The following SLC26A8 variants were observed in gnomAD, a reference collection of about 807,000 sequenced individuals.
SLC26A8 encodes solute carrier family 26 member 8.
SLC26A8 carries 70 observed loss-of-function variants against 105.0 expected under a neutral mutation model. The observed-to-expected ratio is 0.67, with a 90% CI of 0.55 to 0.81. SLC26A8 has a LOEUF of 0.81. SLC26A8 is among the 40% of genes least tolerant of loss of function. The pLI, the probability that SLC26A8 is intolerant of heterozygous loss-of-function variation, is 0.00. For synonymous variants in SLC26A8, 415 were observed against 438.3 expected (o/e 0.95, Z 0.66); for missense variants, 998 against 1,181.8 (o/e 0.84, Z 2.28).
intron 15 of SLC26A8, 23 bp from the exon 16 acceptor site, chr6:35,959,614 T>TC: frequency 6.2e-7 from 1 of 1,610,226 alleles, no homozygotes. Flanking sequence ...AGAGGTCTCA[T>TC]CCAGAGGAAG....
At chr6:35,991,401 C>CAA (rs10717911) in intron 7 of SLC26A8, among the ~76,000 whole-genome samples, 23 of 100,434 alleles carry the variant, frequency 2.3e-4, no homozygotes, top group South Asian at 3.3e-4. Flanking sequence ...AAGACTCTGT[C>CAA]AAAAAAAAAA....
chr6:35,968,676 C>A (rs1471949098), intron 11 of SLC26A8, among the ~76,000 whole-genome samples: 4 of 128,168 alleles, frequency 3.1e-5, no homozygotes, highest in African/African-American at 1.1e-4. Flanking sequence ...TAACCCTCAA[C>A]CCTGTGATCC....
At chr6:36,006,150 C>T (rs533508475) in intron 3 of SLC26A8, among the ~76,000 whole-genome samples, 38 of 151,978 alleles carry the variant, frequency 2.5e-4, no homozygotes, top group African/African-American at 7.7e-4. Flanking sequence ...AATGGAGTCT[C>T]GCTCTGTTAC....
rs1292283634 is a variant in SLC26A8, at chr6:35,981,649, C to T, written c.1025+472G>A. Among the ~76,000 whole-genome samples the T allele has an allele frequency of 6.6e-6, 1 of 152,056 alleles. No individual in the cohort carries two copies. Among genetic ancestry groups the T allele is most frequent in the Non-Finnish European group, 1.5e-5 (1 of 68,040 alleles). The stretch of plus-strand genomic sequence containing the variant: ...CCTAGGCAACAGAGTGAGAACCTGT[C>T]TCAAAAATAAATAAATAAATATATA... On this transcript the variant is annotated intron_variant, in intron 8 of 19. Transcript: ENST00000490799. The surrounding 1 kb of genome is among the most constrained non-coding windows in gnomAD (Gnocchi z 4.0).
At chr6:36,002,136 T>C (rs1761541413) in intron 3 of SLC26A8, among the ~76,000 whole-genome samples, 1 of 152,056 alleles carries the variant, frequency 6.6e-6, no homozygotes, top group Non-Finnish European at 1.5e-5. Flanking sequence ...TAACAGAAAA[T>C]CTACTCAAAT....
Position 35,996,703 on chromosome 6 carries a change from T to C in SLC26A8, c.627+1035A>G, listed in dbSNP as rs906854110. Among the ~76,000 whole-genome samples the C allele has an allele frequency of 6.6e-5, 10 of 152,092 alleles. No individual in the cohort carries two copies. In the East Asian group the frequency reaches 1.7e-3, roughly 26 times the overall value. ...CTGGGACTACAGGCACATGCTACCA[T>C]GCCCAGCTAAATGAGTCCATTCTTG... is the stretch of plus-strand genomic sequence containing the variant. On this transcript the variant is annotated intron_variant, in intron 5 of 19. Transcript: ENST00000490799.
intron 3 of SLC26A8, among the ~76,000 whole-genome samples, chr6:36,007,180 G>GAA (rs140728): frequency 0.56 from 85,073 of 151,764 alleles, 24,166 homozygotes; most frequent in South Asian, 0.71. Flanking sequence ...ATATTAAAAA[G>GAA]ATAAACATAA....
intron 19 of SLC26A8, among the ~76,000 whole-genome samples, chr6:35,947,121 T>G (rs1771704561): frequency 6.6e-6 from 1 of 152,190 alleles, no homozygotes; most frequent in Admixed American, 6.5e-5. Flanking sequence ...CTCCGCTTCC[T>G]GGGTTAAAGT....
At chr6:35,969,577 A>G (rs140643875) in intron 10 of SLC26A8, 2 of 151,612 alleles carry the variant, frequency 1.3e-5, no homozygotes, top group African/African-American at 4.8e-5. Flanking sequence ...CAGCCTGGCG[A>G]CAGAGTGAGA....
intron 10 of SLC26A8, chr6:35,969,462 G>C (rs192834130): frequency 6.4e-6 from 1 of 155,228 alleles, no homozygotes; most frequent in African/African-American, 2.4e-5. Flanking sequence ...GCTGGGCTTG[G>C]TGGTGTGTGC....
Position 36,019,623 on chromosome 6 carries a change from C to T in SLC26A8, c.85G>A (p.Val29Ile). 1.8e-5 allele frequency: 29 copies of T among 1,614,186 alleles called. No homozygotes were observed. The highest frequency in any genetic ancestry group is 2.5e-5 in the Non-Finnish European group (29 of 1,180,024). ...TGTTGAAAGGTCTCCTCATTGTATA[C>T]TTCACGCTTAACATCATATGCGAAT... is the stretch of plus-strand genomic sequence containing the variant. ...NSFAYDVKREVYNEETFQQEH... is the reference protein window; with the variant it reads ...NSFAYDVKREIYNEETFQQEH... Residue 29 changes from valine to isoleucine, a missense_variant, in exon 2 of 20, where the codon GTA becomes ATA. Coordinates refer to ENST00000490799, the MANE Select transcript of SLC26A8 (RefSeq NM_052961.4).
At chr6:35,976,495 C>T (rs9380540) in intron 9 of SLC26A8, among the ~76,000 whole-genome samples, 2 of 149,086 alleles carry the variant, frequency 1.3e-5, no homozygotes, top group Non-Finnish European at 3.0e-5. Context: ...AGGGAAAGGG[C>T]TAAAAGACAA....
chr6:35,956,701 T>C lies in SLC26A8; in HGVS notation c.1864-1181A>G, dbSNP rs540301342. ...TTGGGAGGCTGAGGTGGGTGGATCA[T>C]CTGAGGTCAGGAGTTCGAGACCAGC... On this transcript the variant is annotated intron_variant, in intron 16 of 19. Transcript: ENST00000490799. Among the ~76,000 whole-genome samples, 3 of 152,094 alleles carry C rather than the reference T, an allele frequency of 2.0e-5. No homozygotes were observed. In the East Asian group the frequency reaches 5.8e-4, roughly 29 times the overall value.
rs1402933736 is a variant in SLC26A8 at position 36,022,755 on chromosome 6, T to C, written c.-3+1749A>G. 2.6e-5 allele frequency among the ~76,000 whole-genome samples: 4 copies of C among 152,062 alleles called. No individual in the cohort carries two copies. The East Asian group carries it at 7.8e-4, about 30-fold the overall frequency. On this transcript the variant is annotated intron_variant, in intron 1 of 19. Transcript: ENST00000490799. ...TATTATTTTTTTTAAGTAATTTTCT[T>C]TGGAATTTCTCCAGCTCCATTATGT...
intron 10 of SLC26A8, among the ~76,000 whole-genome samples, chr6:35,972,481 C>A (rs1034735282): frequency 2.0e-5 from 3 of 151,992 alleles, no homozygotes; most frequent in African/African-American, 7.3e-5. Flanking sequence ...GAATGAGTCT[C>A]ATAGGTCTTT....
intron 5 of SLC26A8, among the ~76,000 whole-genome samples, chr6:35,996,876 A>T (rs1456155000): frequency 6.6e-6 from 1 of 152,036 alleles, no homozygotes; most frequent in Non-Finnish European, 1.5e-5. Context: ...CTCTACTAAA[A>T]ATATAAAAAT....
intron 7 of SLC26A8, 60 bp from the exon 8 acceptor site, chr6:35,982,263 C>T: frequency 1.9e-6 from 3 of 1,539,692 alleles, no homozygotes; most frequent in East Asian, 2.2e-5. Flanking sequence ...TAGTGCATCG[C>T]TTCTAGAAGC....
In SLC26A8 at chr6:35,975,355, C is replaced by G; in HGVS notation, c.1287+20G>C. On this transcript the variant is annotated intron_variant, in intron 10 of 19. Coordinates refer to ENST00000490799, the MANE Select transcript of SLC26A8 (RefSeq NM_052961.4). ...ATGAATATGTTTATGTATTAGAGAT[C>G]AAATTGTATTTCAACATACCTGTTG... The G allele has an allele frequency of 7.1e-7, 1 of 1,408,026 alleles. No individual in the cohort carries two copies. Among genetic ancestry groups the G allele is most frequent in the Non-Finnish European group, 1.0e-6 (1 of 999,982 alleles). The allele number at this position is 1,408,026 out of a possible 1,614,324, so 87.2% of individuals were successfully genotyped here.
intron 7 of SLC26A8, among the ~76,000 whole-genome samples, chr6:35,983,782 T>C (rs1773375964): frequency 6.6e-6 from 1 of 152,192 alleles, no homozygotes; most frequent in African/African-American, 2.4e-5. Context: ...CTTGAATTCC[T>C]GACCTCAGGT....
Sources: allele counts gnomAD v4.1 joint callset (sites outside exome capture counted in the v4.1 genomes callset), GRCh38; gene constraint gnomAD v4.1.1; non-coding constraint Gnocchi (gnomAD v3.1); transcripts MANE v1.5; gene names NCBI Gene and HGNC (gene_info 2026-07-23, HGNC 2026-07-21).